The following YME1L1 variants were observed in gnomAD, a reference collection of about 807,000 sequenced individuals.
YME1L1 encodes the protein ATP-dependent zinc metalloprotease YME1L1.
YME1L1 carries 39 observed loss-of-function variants against 90.4 expected under a neutral mutation model. That is an observed-to-expected ratio of 0.43 (90% confidence interval 0.33 to 0.56). YME1L1 has a LOEUF of 0.56. Ranked by LOEUF, YME1L1 falls within the 20% of genes least tolerant of loss-of-function variation. The pLI, the probability that YME1L1 is intolerant of heterozygous loss-of-function variation, is 0.03. For missense variants in YME1L1, 617 were observed against 868.4 expected (o/e 0.71, Z 3.64); for synonymous variants, 284 against 287.3 (o/e 0.99, Z 0.12).
intron 3 of YME1L1, among the ~76,000 whole-genome samples, chr10:27,143,453 A>G (rs1380060422): frequency 6.6e-6 from 1 of 152,006 alleles, no homozygotes; most frequent in Admixed American, 6.6e-5. Context: ...TAATCCCAGC[A>G]CTTTGGGAGG....
chr10:27,153,621 T>C (rs2057261714), intron 1 of YME1L1, among the ~76,000 whole-genome samples: 1 of 152,232 alleles, frequency 6.6e-6, no homozygotes, highest in Non-Finnish European at 1.5e-5. Flanking sequence ...ATCAAAATTT[T>C]AACTGCAAAC....
chr10:27,134,238 A>C, intron 6 of YME1L1, 116 bp from the exon 7 acceptor site: 1 of 839,518 alleles, frequency 1.2e-6, no homozygotes, highest in South Asian at 1.8e-5. Flanking sequence ...CCAATTTTGG[A>C]ATCTGGCATT....
At chr10:27,137,585 C>T (rs2057042355) in intron 4 of YME1L1, among the ~76,000 whole-genome samples, 1 of 152,158 alleles carries the variant, frequency 6.6e-6, no homozygotes. Context: ...GTTTCCTTTT[C>T]TTCATATCCT....
intron 8 of YME1L1, 31 bp downstream of exon 8, chr10:27,131,828 T>C (rs764664575): frequency 1.9e-6 from 3 of 1,543,548 alleles, no homozygotes; most frequent in Non-Finnish European, 2.7e-6. Context: ...AGAGGATGTA[T>C]GAAGAAGGCA....
chr10:27,150,431 G>A (rs1340299050), intron 1 of YME1L1, among the ~76,000 whole-genome samples: 1 of 152,176 alleles, frequency 6.6e-6, no homozygotes, highest in Non-Finnish European at 1.5e-5. Flanking sequence ...ATGAGGCTGA[G>A]ACCTACTGGG....
At chr10:27,116,432 C>A in intron 15 of YME1L1, 87 bp from the exon 16 acceptor site, 4 of 1,413,140 alleles carry the variant, frequency 2.8e-6, no homozygotes, top group Non-Finnish European at 3.7e-6. Flanking sequence ...CTTTGGCAGG[C>A]GAGGTGGGTG....
intron 4 of YME1L1, among the ~76,000 whole-genome samples, chr10:27,140,324 A>G (rs767349727): frequency 6.6e-6 from 1 of 152,006 alleles, no homozygotes; most frequent in Non-Finnish European, 1.5e-5. Context: ...AGTAAATTAT[A>G]TAACGCCCTC....
At chr10:27,119,565 T>C (rs1040121107) in intron 13 of YME1L1, 116 bp from the exon 14 acceptor site, 12 of 1,156,904 alleles carry the variant, frequency 1.0e-5, no homozygotes, top group African/African-American at 4.8e-5. Context: ...TCCCAGCACT[T>C]TGGGAGGCTG....
chr10:27,120,711 T>TA (rs2056858730), intron 12 of YME1L1, among the ~76,000 whole-genome samples, 164 bp from the exon 13 acceptor site: 1 of 152,186 alleles, frequency 6.6e-6, no homozygotes, highest in Non-Finnish European at 1.5e-5. Flanking sequence ...ATGGCTCAAG[T>TA]AACAGTGTCA....
chr10:27,123,778 A>C, intron 9 of YME1L1, 79 bp from the exon 10 acceptor site: 1 of 1,392,102 alleles, frequency 7.2e-7, no homozygotes, highest in Non-Finnish European at 9.6e-7. Context: ...ATAAATAATT[A>C]TTCATTTATA....
intron 3 of YME1L1, 68 bp downstream of exon 3, chr10:27,145,360 A>G: frequency 7.6e-7 from 1 of 1,318,654 alleles, no homozygotes; most frequent in Non-Finnish European, 1.0e-6. Flanking sequence ...GTGAAAGCTA[A>G]GAAATGGTAT....
At chr10:27,118,012 AG>A (rs2056830832) in intron 14 of YME1L1, among the ~76,000 whole-genome samples, 1 of 152,266 alleles carries the variant, frequency 6.6e-6, no homozygotes, top group Non-Finnish European at 1.5e-5. Context: ...ATATGCAAAT[AG>A]TACACCATTT....
chr10:27,117,493 G>T, intron 15 of YME1L1, 83 bp downstream of exon 15: 1 of 1,416,652 alleles, frequency 7.1e-7, no homozygotes, highest in Admixed American at 1.9e-5. Context: ...GTTTGAATCC[G>T]GAAGGCAGAG....
At chr10:27,123,836 G>A in intron 9 of YME1L1, 137 bp from the exon 10 acceptor site, 1 of 860,880 alleles carries the variant, frequency 1.2e-6, no homozygotes, top group Non-Finnish European at 1.7e-6. Flanking sequence ...TTGAAACACA[G>A]CAAACCGTAC....
chr10:27,146,590 G>T (rs1243079398), intron 2 of YME1L1: 1 of 152,080 alleles, frequency 6.6e-6, no homozygotes, highest in East Asian at 1.9e-4. Context: ...AAATTAGCTG[G>T]GCATGGTGGT....
chr10:27,138,050 C>CT (rs952810547), intron 4 of YME1L1, among the ~76,000 whole-genome samples: 10 of 148,478 alleles, frequency 6.7e-5, no homozygotes, highest in Middle Eastern at 3.5e-3. Flanking sequence ...ATATTTGGAA[C>CT]TTTTTTTTTT....
At chr10:27,120,633 G>A in intron 12 of YME1L1, 86 bp from the exon 13 acceptor site, 1 of 970,774 alleles carries the variant, frequency 1.0e-6, no homozygotes. Context: ...GACGTGACTG[G>A]GAAGCCAATG....
At chr10:27,143,899 T>C (rs1054959014) in intron 3 of YME1L1, among the ~76,000 whole-genome samples, 1 of 152,178 alleles carries the variant, frequency 6.6e-6, no homozygotes, top group Non-Finnish European at 1.5e-5. Context: ...GGTCAAGCCA[T>C]GAATACTTCA....
chr10:27,113,246 A>T (rs748832812), intron 18 of YME1L1, among the ~76,000 whole-genome samples: 10,501 of 139,126 alleles, frequency 0.075, 946 homozygotes, highest in African/African-American at 0.13. Flanking sequence ...AAAAAAAAAA[A>T]AAAAAAAAAA....
Sources: gnomAD v4.1 joint callset for allele counts (sites outside exome capture counted in the v4.1 genomes callset) on GRCh38, gnomAD v4.1.1 for gene constraint, MANE v1.5 for transcripts, NCBI Gene and HGNC (gene_info 2026-07-23, HGNC 2026-07-21) for gene names.